Variants in LRP2 observed in about 807,000 individuals in gnomAD.
The protein encoded by LRP2 is low-density lipoprotein receptor-related protein 2.
A neutral mutation model predicts 531.0 loss-of-function variants in LRP2; 172 were observed. The ratio of observed to expected loss-of-function variants is 0.32; its 90% confidence interval spans 0.29 to 0.37. The LOEUF (loss-of-function observed/expected upper bound fraction) is 0.37, where lower values mean the gene tolerates loss of function less well. Among genes scored for constraint, LRP2 ranks in the 10% least tolerant of loss-of-function variants. The probability of loss-of-function intolerance (pLI) is 1.00; values close to 1 mark genes in which losing one functional copy is unlikely to be tolerated. For missense variants in LRP2, 5,167 were observed against 5,868.3 expected (o/e 0.88, Z 3.90); for synonymous variants, 1,992 against 2,027.6 (o/e 0.98, Z 0.47).
chr2:169,151,122 G>T, intron 67 of LRP2, 96 bp from the exon 68 acceptor site: 1 of 1,276,512 alleles, frequency 7.8e-7, no homozygotes, highest in Non-Finnish European at 1.1e-6. Context: ...TTTGGCTGGT[G>T]AGACAGCTGC....
At chr2:169,194,916 G>A (rs1162882769) in intron 46 of LRP2, among the ~76,000 whole-genome samples, 2 of 151,466 alleles carry the variant, frequency 1.3e-5, no homozygotes, top group African/African-American at 4.9e-5. Context: ...TCACCATGTT[G>A]GCCAGGATGG....
At position 169,146,966 on chromosome 2, in the gene LRP2, CAGA is replaced by C. The variant is rs1302974091; in HGVS notation, c.12591-10_12591-8del. On this transcript the variant is annotated splice_polypyrimidine_tract_variant and splice_region_variant and intron_variant, in intron 68 of 78. Transcript: ENST00000649046. ...GTCAGTCCAGAACATAAGCCTATAA[CAGA>C]AGATTTCTTCACTGTAGCATCTCAC... 6.3e-7 allele frequency: 1 copy of C among 1,597,428 alleles called. No homozygotes were observed. Among genetic ancestry groups the C allele is most frequent in the Admixed American group, 1.7e-5 (1 of 58,764 alleles).
At chr2:169,170,921 GTTTT>G (rs57451386) in intron 58 of LRP2, among the ~76,000 whole-genome samples, 1 of 91,846 alleles carries the variant, frequency 1.1e-5, no homozygotes. Flanking sequence ...CTCTCTCTCT[GTTTT>G]TTTTTTTTTT....
In LRP2 at chr2:169,320,894, T is replaced by C. The variant is rs769089398; in HGVS notation, c.80-10A>G. On this transcript the variant is annotated splice_polypyrimidine_tract_variant and intron_variant, in intron 1 of 78. Transcript: ENST00000649046. ...TGCGCACTGTCACATTCTGCAATAA[T>C]AGACAGAAATTTTAAAAACTTATGC... 5.6e-6 allele frequency: 9 copies of C among 1,593,324 alleles called. No homozygotes were observed. The highest frequency in any genetic ancestry group is 3.3e-5 in the Admixed American group (2 of 59,966).
At chr2:169,269,483 G>A (rs187927549) in intron 16 of LRP2, among the ~76,000 whole-genome samples, 63 of 152,200 alleles carry the variant, frequency 4.1e-4, no homozygotes, top group Non-Finnish European at 7.4e-4. Flanking sequence ...TGACAAACCT[G>A]ACAAAAACAA....
At chr2:169,327,248 C>T (rs1685102116) in intron 1 of LRP2, among the ~76,000 whole-genome samples, 1 of 64,640 alleles carries the variant, frequency 1.5e-5, no homozygotes, top group Non-Finnish European at 3.4e-5. Flanking sequence ...GTCAGCCCCA[C>T]GTCCGGGAGG....
chr2:169,328,442 A>T (rs1251230424), intron 1 of LRP2, among the ~76,000 whole-genome samples: 1 of 97,300 alleles, frequency 1.0e-5, no homozygotes. Context: ...GGGCCGGGAT[A>T]AAAAAAAAAA....
chr2:169,315,517 C>T (rs1684734457), intron 3 of LRP2, among the ~76,000 whole-genome samples: 1 of 152,144 alleles, frequency 6.6e-6, no homozygotes, highest in Non-Finnish European at 1.5e-5. Flanking sequence ...TGCACGGAGA[C>T]AAAAGGCTAG....
At chr2:169,237,799 C>T (rs764069113) in intron 27 of LRP2, among the ~76,000 whole-genome samples, 13 of 152,098 alleles carry the variant, frequency 8.5e-5, no homozygotes, top group Non-Finnish European at 1.2e-4. Context: ...CTTTCCTCTG[C>T]TCTCATCCAC....
intron 4 of LRP2, among the ~76,000 whole-genome samples, chr2:169,302,573 GA>G (rs1485131255): frequency 6.6e-6 from 1 of 152,110 alleles, no homozygotes; most frequent in East Asian, 1.9e-4. Context: ...CAATGCACAA[GA>G]AAGAACTGTC....
intron 58 of LRP2, among the ~76,000 whole-genome samples, chr2:169,171,005 C>T (rs1256334089): frequency 1.4e-5 from 2 of 145,026 alleles, no homozygotes; most frequent in East Asian, 2.1e-4. Flanking sequence ...AAGTAATCCT[C>T]CCTGCTCAGG....
In LRP2 at chr2:169,235,905, G is replaced by A. The variant is rs766931921; in HGVS notation, c.4855C>T (p.Leu1619Phe). Residue 1619 changes from leucine to phenylalanine, a missense_variant, in exon 29 of 79, where the codon CTT becomes TTT. By Grantham distance (22) the Leu-to-Phe change is conservative. Coordinates refer to ENST00000649046, the MANE Select transcript of LRP2 (RefSeq NM_004525.3). ...NRLLYFMDSY[L>F]DYMDFCDYNG... Reference sequence around the variant, plus strand: ...TAATCACAAAAGTCCATGTAATCAAGATAGGAGTCCATGAAGTAGAGCAGT... The same window carrying A: ...TAATCACAAAAGTCCATGTAATCAAAATAGGAGTCCATGAAGTAGAGCAGT... The A allele has an allele frequency of 1.2e-6, 2 of 1,614,178 alleles. No homozygotes were observed. Among genetic ancestry groups the A allele is most frequent in the African/African-American group, 2.7e-5 (2 of 75,056 alleles).
chr2:169,245,852 G>T (rs1456266972), intron 21 of LRP2, among the ~76,000 whole-genome samples: 2 of 152,048 alleles, frequency 1.3e-5, no homozygotes, highest in Non-Finnish European at 2.9e-5. Flanking sequence ...TTTATTTTTG[G>T]TTTTTGTTGT....
chr2:169,218,917 A>C (rs1247970180), intron 34 of LRP2, among the ~76,000 whole-genome samples: 1 of 152,150 alleles, frequency 6.6e-6, no homozygotes, highest in African/African-American at 2.4e-5. Context: ...CTTCTGCCCA[A>C]ACCCCACTGC....
intron 3 of LRP2, among the ~76,000 whole-genome samples, chr2:169,316,767 T>G (rs1331807417): frequency 6.6e-6 from 1 of 151,940 alleles, no homozygotes; most frequent in African/African-American, 2.4e-5. Context: ...CCTGAGAGTG[T>G]CCAGAATGAG....
rs140748929 is a variant in LRP2, at chr2:169,241,101, C to T, written c.3932G>A (p.Arg1311His). ...DEKDCPTQPFRCPSWQWQCLG... is the reference protein window; with the variant it reads ...DEKDCPTQPFHCPSWQWQCLG... ...ACACTGCCATTGCCAACTAGGACAG[C>T]GAAAGGGCTGAGTAGGGCAGTCCTT... Residue 1311 changes from arginine to histidine, a missense_variant, in exon 25 of 79, where the codon CGC becomes CAC. Physicochemically the swap from Arg to His is conservative, Grantham distance 29 (BLOSUM62 0). Around this residue, in one of 6 missense-constraint regions of LRP2, gnomAD observed 2,811 missense variants for 3,058.0 expected, o/e 0.92. Coordinates refer to ENST00000649046, the MANE Select transcript of LRP2 (RefSeq NM_004525.3). 5.2e-5 allele frequency: 84 copies of T among 1,613,922 alleles called. No individual in the cohort carries two copies. The highest frequency in any genetic ancestry group is 3.3e-4 in the Middle Eastern group (2 of 6,062).
At chr2:169,340,821 AC>A (rs746295674) in intron 1 of LRP2, among the ~76,000 whole-genome samples, 4 of 151,918 alleles carry the variant, frequency 2.6e-5, no homozygotes, top group Non-Finnish European at 5.9e-5. Context: ...CATGCCTATT[AC>A]CTCCCCACCA....
chr2:169,181,442 A>G lies in LRP2; in HGVS notation c.10169+6T>C, dbSNP rs774133021. The G allele has an allele frequency of 4.3e-6, 7 of 1,613,576 alleles. No homozygotes were observed. The highest frequency in any genetic ancestry group is 4.2e-6 in the Non-Finnish European group (5 of 1,179,458). On this transcript the variant is annotated splice_donor_region_variant and intron_variant, in intron 52 of 78. Transcript: ENST00000649046. ...ACAATTGTTTTATGCTTTTCTATGT[A>G]CGTACTCTATGTAACCCAGGTGGGC...
Position 169,157,413 on chromosome 2 carries a change from C to T in LRP2, c.11977G>A (p.Ala3993Thr), listed in dbSNP as rs779094574. The stretch of plus-strand genomic sequence containing the variant: ...TCAAAAACATTGGTTTCGAACCCAG[C>T]TGTACAGGAGCAGATAAATCCTCCT... ...NEGGFICSCT[A>T]GFETNVFDRT... is the part of the protein sequence containing the mutation. Residue 3993 changes from alanine to threonine, a missense_variant, in exon 64 of 79, where the codon GCT (alanine) becomes ACT (threonine). Physicochemically the swap from Ala to Thr is moderately conservative, Grantham distance 58. Around this residue, in one of 6 missense-constraint regions of LRP2, gnomAD observed 564 missense variants for 747.7 expected, o/e 0.75. Transcript: ENST00000649046. 30 of 1,613,272 alleles carry T rather than the reference C, an allele frequency of 1.9e-5. No individual in the cohort carries two copies. The highest frequency in any genetic ancestry group is 3.3e-5 in the Admixed American group (2 of 59,894).
Sources: allele counts gnomAD v4.1 joint callset (sites outside exome capture counted in the v4.1 genomes callset), GRCh38; gene constraint gnomAD v4.1.1; regional missense constraint gnomAD v4.1.1; transcripts MANE v1.5; gene names NCBI Gene and HGNC (gene_info 2026-07-23, HGNC 2026-07-21).